RNF169: variants seen among roughly 807,000 people sequenced by gnomAD.
The protein encoded by RNF169 is E3 ubiquitin-protein ligase RNF169.
In RNF169, 24 loss-of-function variants were observed where a neutral mutation model predicts 53.9. That is an observed-to-expected ratio of 0.45 (90% CI 0.32 to 0.63). RNF169 has a LOEUF of 0.63. RNF169 is among the 20% of genes least tolerant of loss of function. The pLI is 0.04. For missense variants in RNF169, 883 were observed against 906.2 expected (o/e 0.97, Z 0.33); for synonymous variants, 396 against 363.5 (o/e 1.09, Z -1.02).
At chr11:74,776,448 C>T (rs1012723626) in intron 1 of RNF169, among the ~76,000 whole-genome samples, 2 of 139,362 alleles carry the variant, frequency 1.4e-5, no homozygotes, top group Non-Finnish European at 3.0e-5. Flanking sequence ...CTTCAGAAAA[C>T]GAATTCTTTA....
At chr11:74,768,954 G>A (rs1565172440) in intron 1 of RNF169, among the ~76,000 whole-genome samples, 2 of 152,096 alleles carry the variant, frequency 1.3e-5, no homozygotes, top group Non-Finnish European at 2.9e-5. Flanking sequence ...GGCTGAGGTG[G>A]AAGAATACTT....
intron 1 of RNF169, among the ~76,000 whole-genome samples, chr11:74,770,599 T>A (rs1461049847): frequency 6.6e-6 from 1 of 152,332 alleles, no homozygotes; most frequent in East Asian, 1.9e-4. Context: ...ATAATGTACA[T>A]GAGTATGTTT....
rs758067008 is a variant in RNF169 at position 74,836,771 on chromosome 11, C to G, written c.*41C>G. On this transcript the variant is annotated 3_prime_UTR_variant, in exon 6 of 6. Coordinates refer to ENST00000299563, the MANE Select transcript of RNF169 (RefSeq NM_001098638.2). ...TACCTATTTTTAAAAGGTCTTAGGCCTTGATCATTTATCCTGAAGAGCTGA... is the reference window on the plus strand; with the variant it reads ...TACCTATTTTTAAAAGGTCTTAGGCGTTGATCATTTATCCTGAAGAGCTGA... 6.9e-7 allele frequency: 1 copy of G among 1,452,586 alleles called. No homozygotes were observed. Among genetic ancestry groups the G allele is most frequent in the South Asian group, 1.3e-5 (1 of 79,292 alleles). The allele number at this position is 1,452,586 out of a possible 1,614,324, so 90.0% of individuals were successfully genotyped here. A position where few individuals can be genotyped will look rare whatever the true frequency, so the allele number is the denominator to read the frequency against.
chr11:74,840,123 C>G lies in RNF169; in HGVS notation c.*3393C>G, dbSNP rs1387596208. On this transcript the variant is annotated 3_prime_UTR_variant, in exon 6 of 6. Coordinates refer to ENST00000299563, the MANE Select transcript of RNF169 (RefSeq NM_001098638.2). The stretch of plus-strand genomic sequence containing the variant: ...TGGGAAGCTGCCACCGTGCCTGACT[C>G]ATGTAGCTGATGACCGAAGGCTCAT... The G allele has an allele frequency of 6.6e-6, 1 of 152,192 alleles. No homozygotes were observed. The highest frequency in any genetic ancestry group is 1.5e-5 in the Non-Finnish European group (1 of 68,046). 9.4% of individuals were successfully genotyped at this position (152,192 alleles called of 1,614,324 possible).
At chr11:74,824,723 T>C (rs1419998176) in intron 4 of RNF169, among the ~76,000 whole-genome samples, 1 of 152,238 alleles carries the variant, frequency 6.6e-6, no homozygotes, top group Non-Finnish European at 1.5e-5. Flanking sequence ...AAAATGATGC[T>C]GATAGACTTG....
chr11:74,767,433 T>C (rs1262156769), intron 1 of RNF169, among the ~76,000 whole-genome samples: 2 of 151,956 alleles, frequency 1.3e-5, no homozygotes, highest in East Asian at 1.9e-4. Context: ...TGAGACAGAG[T>C]CTCACTCTGT....
In RNF169 at chr11:74,748,854, C is replaced by T; in HGVS notation, c.-27C>T. Reference sequence around the variant, plus strand: ...GCCCTCCACTCTTCTCCCTCGCAACCGACTCTCCCTTCAAACGGGAAACAA... The same window carrying T: ...GCCCTCCACTCTTCTCCCTCGCAACTGACTCTCCCTTCAAACGGGAAACAA... On this transcript the variant is annotated 5_prime_UTR_variant, in exon 1 of 6. Coordinates refer to ENST00000299563, the MANE Select transcript of RNF169 (RefSeq NM_001098638.2). 2 of 1,378,780 alleles carry T rather than the reference C, an allele frequency of 1.5e-6. No individual in the cohort carries two copies. Among genetic ancestry groups the T allele is most frequent in the Non-Finnish European group, 1.9e-6 (2 of 1,054,480 alleles). The allele number at this position is 1,378,780 out of a possible 1,614,324, so 85.4% of individuals were successfully genotyped here.
At chr11:74,810,443 G>C in intron 3 of RNF169, 113 bp downstream of exon 3, 1 of 956,554 alleles carries the variant, frequency 1.0e-6, no homozygotes, top group East Asian at 2.4e-5. Context: ...AACAGTCAGT[G>C]ACTGTGCAGC....
intron 3 of RNF169, among the ~76,000 whole-genome samples, chr11:74,813,297 T>TA (rs1252755164): frequency 1.3e-5 from 2 of 152,252 alleles, no homozygotes. Flanking sequence ...AAGTGTCTGA[T>TA]ACATGTTTAT....
At chr11:74,756,651 G>C (rs1405288142) in intron 1 of RNF169, among the ~76,000 whole-genome samples, 1 of 152,170 alleles carries the variant, frequency 6.6e-6, no homozygotes, top group African/African-American at 2.4e-5. Flanking sequence ...AAAGATGAGA[G>C]AGGGAAATAG....
At chr11:74,774,964 A>G (rs1409029656) in intron 1 of RNF169, among the ~76,000 whole-genome samples, 2 of 152,136 alleles carry the variant, frequency 1.3e-5, no homozygotes, top group Non-Finnish European at 2.9e-5. Flanking sequence ...ACAGAGTGAG[A>G]CTCCATCTCA....
At chr11:74,830,199 C>T (rs1428811879) in intron 4 of RNF169, among the ~76,000 whole-genome samples, 1 of 151,844 alleles carries the variant, frequency 6.6e-6, no homozygotes, top group Admixed American at 6.6e-5. Context: ...TTAAGATTAA[C>T]AGAGAATAGG....
chr11:74,762,938 A>G (rs1027063968), intron 1 of RNF169, among the ~76,000 whole-genome samples: 13 of 152,200 alleles, frequency 8.5e-5, no homozygotes, highest in African/African-American at 1.9e-4. Flanking sequence ...GAGTTTTACC[A>G]TATGCAAAAA....
chr11:74,819,195 T>A (rs1303086389), intron 4 of RNF169, among the ~76,000 whole-genome samples: 5 of 152,206 alleles, frequency 3.3e-5, no homozygotes, highest in Non-Finnish European at 5.9e-5. Flanking sequence ...TTGCTGCTGC[T>A]GCTGCTGCAA....
rs989525723 is a variant in RNF169, at chr11:74,841,246, G to A, written c.*4516G>A. The A allele has an allele frequency of 6.6e-6, 1 of 152,110 alleles. No homozygotes were observed. The highest frequency in any genetic ancestry group is 1.5e-5 in the Non-Finnish European group (1 of 68,032). The allele number at this position is 152,110 out of a possible 1,614,324, so 9.4% of individuals were successfully genotyped here. ...ACCCATAGAGTGGTCTTTTGAACTG[G>A]TATCTAAACATACCTGGTTATGAAT... On this transcript the variant is annotated 3_prime_UTR_variant, in exon 6 of 6. Transcript: ENST00000299563.
intron 1 of RNF169, among the ~76,000 whole-genome samples, chr11:74,772,846 A>G (rs749908264): frequency 6.6e-6 from 1 of 152,192 alleles, no homozygotes; most frequent in Non-Finnish European, 1.5e-5. Context: ...CATGTGTTTG[A>G]TCATGAACTG....
intron 1 of RNF169, among the ~76,000 whole-genome samples, chr11:74,763,324 C>T (rs1374593812): frequency 6.6e-6 from 1 of 152,110 alleles, no homozygotes; most frequent in Non-Finnish European, 1.5e-5. Context: ...AAAAATGACA[C>T]ATGAGGAAAT....
At chr11:74,781,230 C>CT (rs1239641715) in intron 1 of RNF169, among the ~76,000 whole-genome samples, 2 of 152,244 alleles carry the variant, frequency 1.3e-5, no homozygotes, top group Non-Finnish European at 1.5e-5. Flanking sequence ...CTGCAGCCGT[C>CT]TTTGAGTCAG....
At chr11:74,817,752 GT>G in intron 4 of RNF169, 38 bp downstream of exon 4, 1 of 1,331,634 alleles carries the variant, frequency 7.5e-7, no homozygotes, top group Non-Finnish European at 1.1e-6. Flanking sequence ...GGGGTCTTTG[GT>G]TTTGGGGTAT....
Sources: gnomAD v4.1 joint callset for allele counts (sites outside exome capture counted in the v4.1 genomes callset) on GRCh38, gnomAD v4.1.1 for gene constraint, MANE v1.5 for transcripts, NCBI Gene and HGNC (gene_info 2026-07-23, HGNC 2026-07-21) for gene names.